The following MYO1E variants were observed in gnomAD, a reference collection of about 807,000 sequenced individuals.
The protein encoded by MYO1E is myosin IE.
MYO1E carries 68 observed loss-of-function variants against 151.1 expected under a neutral mutation model. The observed-to-expected ratio is 0.45, with a 90% CI of 0.37 to 0.55. The LOEUF is 0.55. Among genes scored for constraint, MYO1E ranks in the 20% least tolerant of loss-of-function variants. The pLI, the probability that MYO1E is intolerant of heterozygous loss-of-function variation, is 0.00. For missense variants in MYO1E, 1,363 were observed against 1,389.3 expected (o/e 0.98, Z 0.30); for synonymous variants, 601 against 501.7 (o/e 1.20, Z -2.64).
intron 24 of MYO1E, among the ~76,000 whole-genome samples, chr15:59,160,343 G>A (rs1440068264): frequency 7.1e-5 from 9 of 126,818 alleles, no homozygotes; most frequent in African/African-American, 4.0e-4. Flanking sequence ...GTGCGTGTGT[G>A]TGTGTGTGTG....
intron 1 of MYO1E, among the ~76,000 whole-genome samples, chr15:59,333,184 T>G (rs1361010803): frequency 4.6e-5 from 7 of 152,202 alleles, no homozygotes; most frequent in African/African-American, 1.7e-4. Context: ...TTCCACATCT[T>G]GCTTTTCAAG....
intron 14 of MYO1E, chr15:59,208,137 G>C (rs1180834484): frequency 1.4e-6 from 2 of 1,469,648 alleles, no homozygotes; most frequent in East Asian, 4.6e-5. Flanking sequence ...ATAGATACAG[G>C]ATTATATAAC....
At chr15:59,303,362 C>T (rs1295787895) in intron 1 of MYO1E, among the ~76,000 whole-genome samples, 10 of 152,054 alleles carry the variant, frequency 6.6e-5, no homozygotes, top group South Asian at 2.1e-4. Context: ...TGCAGTGAGA[C>T]GGGATTGTGC....
At chr15:59,188,263 T>G in intron 17 of MYO1E, 47 bp from the exon 18 acceptor site, 6 of 1,484,910 alleles carry the variant, frequency 4.0e-6, no homozygotes, top group Non-Finnish European at 5.6e-6. Context: ...GATAATCCTT[T>G]CACTCGTGTT....
At chr15:59,340,605 G>A (rs768898264) in intron 1 of MYO1E, among the ~76,000 whole-genome samples, 6 of 152,028 alleles carry the variant, frequency 3.9e-5, no homozygotes, top group East Asian at 1.9e-4. Flanking sequence ...AATAACTGCC[G>A]TTTCTAAGTT....
At position 59,283,092 on chromosome 15, in the gene MYO1E, C is replaced by T. The variant is rs76701566; in HGVS notation, c.4-10643G>A. Among the ~76,000 whole-genome samples, 1,457 of 150,408 alleles carry T rather than the reference C, an allele frequency of 9.7e-3. 23 individuals are homozygous for T. The highest frequency in any genetic ancestry group is 0.033 in the African/African-American group (1,354 of 40,926). On this transcript the variant is annotated intron_variant, in intron 1 of 27. Transcript: ENST00000288235. Reference sequence around the variant, plus strand: ...TCTGGTTGCCCTCATCCCAGGGAGACGGGCGGTCAGAGGACAGTGGCTGCC... The same window carrying T: ...TCTGGTTGCCCTCATCCCAGGGAGATGGGCGGTCAGAGGACAGTGGCTGCC...
chr15:59,273,495 T>G (rs2080300292), intron 1 of MYO1E, among the ~76,000 whole-genome samples: 1 of 152,160 alleles, frequency 6.6e-6, no homozygotes, highest in South Asian at 2.1e-4. Context: ...ACAGTCAACA[T>G]AAACACACAC....
At chr15:59,184,630 G>C (rs561706358) in intron 18 of MYO1E, among the ~76,000 whole-genome samples, 38 of 152,260 alleles carry the variant, frequency 2.5e-4, no homozygotes, top group African/African-American at 8.2e-4. Flanking sequence ...CAAAGTGCTA[G>C]GATTACAGGT....
chr15:59,191,780 T>C (rs2079735978), intron 17 of MYO1E, among the ~76,000 whole-genome samples: 1 of 152,184 alleles, frequency 6.6e-6, no homozygotes, highest in Non-Finnish European at 1.5e-5. Flanking sequence ...TGGAGCACTG[T>C]CACCTCCTCA....
At chr15:59,214,422 G>T in intron 11 of MYO1E, 108 bp from the exon 12 acceptor site, 1 of 922,276 alleles carries the variant, frequency 1.1e-6, no homozygotes, top group African/African-American at 1.7e-5. Flanking sequence ...TAATAGAAAT[G>T]TTGGATGCAT....
chr15:59,248,276 G>C (rs1315365628), intron 4 of MYO1E, among the ~76,000 whole-genome samples: 2 of 151,474 alleles, frequency 1.3e-5, no homozygotes, highest in Non-Finnish European at 2.9e-5. Flanking sequence ...TTGAGGTCTG[G>C]AGCTCATAAC....
At chr15:59,313,193 C>T (rs2080563482) in intron 1 of MYO1E, among the ~76,000 whole-genome samples, 1 of 152,214 alleles carries the variant, frequency 6.6e-6, no homozygotes, top group African/African-American at 2.4e-5. Context: ...GAAATCATCT[C>T]CAACTAGATT....
intron 1 of MYO1E, among the ~76,000 whole-genome samples, chr15:59,282,852 G>T: frequency 1.2e-5 from 1 of 85,528 alleles, no homozygotes; most frequent in Non-Finnish European, 2.5e-5. Context: ...AGAAAGAGAA[G>T]GGAAGGAAAG....
At chr15:59,242,285 A>G (rs2080104533) in intron 4 of MYO1E, among the ~76,000 whole-genome samples, 1 of 152,234 alleles carries the variant, frequency 6.6e-6, no homozygotes. Flanking sequence ...GACCAATGCC[A>G]GGGCTGGAGT....
intron 18 of MYO1E, among the ~76,000 whole-genome samples, chr15:59,179,486 C>A (rs576194433): frequency 6.6e-6 from 1 of 152,122 alleles, no homozygotes; most frequent in Non-Finnish European, 1.5e-5. Context: ...AATGAACATT[C>A]CTGGCTAATG....
intron 1 of MYO1E, among the ~76,000 whole-genome samples, chr15:59,310,669 T>G (rs1029003407): frequency 6.6e-6 from 1 of 152,088 alleles, no homozygotes; most frequent in African/African-American, 2.4e-5. Context: ...ATTTCTGTTG[T>G]TTTAAGCCAC....
chr15:59,152,930 C>T (rs1269334422), intron 26 of MYO1E, among the ~76,000 whole-genome samples: 1 of 152,210 alleles, frequency 6.6e-6, no homozygotes, highest in Non-Finnish European at 1.5e-5. Flanking sequence ...CCAAAATCTA[C>T]CTCCTGGCAG....
In MYO1E at chr15:59,250,976, G is replaced by A. The variant is rs552709289; in HGVS notation, c.332+5308C>T. ...ACTGAGGGGGCCTCCAGACTAGCAAGCTCATGTAAGAAGACCATTCCCATC... is the reference window on the plus strand; with the variant it reads ...ACTGAGGGGGCCTCCAGACTAGCAAACTCATGTAAGAAGACCATTCCCATC... On this transcript the variant is annotated intron_variant, in intron 4 of 27. Coordinates refer to ENST00000288235, the MANE Select transcript of MYO1E (RefSeq NM_004998.4). Among the ~76,000 whole-genome samples the A allele has an allele frequency of 8.3e-4, 127 of 152,258 alleles. 1 individual carries two copies. The highest frequency in any genetic ancestry group is 2.9e-3 in the African/African-American group (121 of 41,540).
At chr15:59,272,203 TG>T in intron 2 of MYO1E, 102 bp downstream of exon 2, 1 of 1,361,734 alleles carries the variant, frequency 7.3e-7, no homozygotes, top group Non-Finnish European at 1.0e-6. Context: ...TCCAAAGTGC[TG>T]GGATTACACA....
Sources: gnomAD v4.1 joint callset for allele counts (sites outside exome capture counted in the v4.1 genomes callset) on GRCh38, gnomAD v4.1.1 for gene constraint, MANE v1.5 for transcripts, NCBI Gene and HGNC (gene_info 2026-07-23, HGNC 2026-07-21) for gene names.